Variants in FBXO28 observed in about 807,000 individuals in gnomAD.
The protein encoded by FBXO28 is F-box only protein 28.
In FBXO28, 8 loss-of-function variants were observed where a neutral mutation model predicts 38.1. The observed-to-expected ratio is 0.21, with a 90% CI of 0.12 to 0.38. The LOEUF (loss-of-function observed/expected upper bound fraction) is 0.38, where lower values mean the gene tolerates loss of function less well. Ranked by LOEUF, FBXO28 falls within the 10% of genes least tolerant of loss-of-function variation. The probability of loss-of-function intolerance (pLI) is 1.00; values close to 1 mark genes in which losing one functional copy is unlikely to be tolerated. For synonymous variants in FBXO28, 168 were observed against 173.8 expected, an observed-to-expected ratio of 0.97 and a Z score of 0.26; for missense variants, 345 against 460.6, an observed-to-expected ratio of 0.75 and a Z score of 2.30.
intron 2 of FBXO28, among the ~76,000 whole-genome samples, chr1:224,133,402 A>G (rs918246400): frequency 2.0e-5 from 3 of 152,348 alleles, no homozygotes; most frequent in Admixed American, 6.5e-5. Flanking sequence ...TAAAGGAGTT[A>G]AATTTTATCA....
intron 2 of FBXO28, chr1:224,131,140 A>G (rs961755738): frequency 7.2e-5 from 11 of 152,254 alleles, no homozygotes; most frequent in African/African-American, 2.7e-4. Flanking sequence ...TTCTGTGTTC[A>G]TGGATTTGAA....
intron 1 of FBXO28, among the ~76,000 whole-genome samples, chr1:224,129,113 G>T (rs1365763266): frequency 6.6e-6 from 1 of 152,198 alleles, no homozygotes; most frequent in Non-Finnish European, 1.5e-5. Flanking sequence ...GGCCAAGGCG[G>T]ATGGATTACT....
At chr1:224,125,004 T>G (rs1426294211) in intron 1 of FBXO28, among the ~76,000 whole-genome samples, 1 of 152,192 alleles carries the variant, frequency 6.6e-6, no homozygotes, top group African/African-American at 2.4e-5. Flanking sequence ...CTTGTGTTTT[T>G]GTGCTGTTGG....
At chr1:224,151,427 A>G (rs973455170) in intron 3 of FBXO28, among the ~76,000 whole-genome samples, 1 of 152,222 alleles carries the variant, frequency 6.6e-6, no homozygotes, top group Non-Finnish European at 1.5e-5. Context: ...ACATTTATTA[A>G]GCATACATCA....
At chr1:224,154,148 G>T (rs1359897916) in intron 4 of FBXO28, among the ~76,000 whole-genome samples, 1 of 152,118 alleles carries the variant, frequency 6.6e-6, no homozygotes, top group African/African-American at 2.4e-5. Context: ...CGAACCTACC[G>T]AACATCATAG....
intron 2 of FBXO28, among the ~76,000 whole-genome samples, chr1:224,132,802 CAAA>C (rs35539044): frequency 3.9e-5 from 5 of 129,716 alleles, no homozygotes; most frequent in Non-Finnish European, 4.9e-5. Context: ...GAGCCCGTCT[CAAA>C]AAAAAAAAAA....
intron 3 of FBXO28, among the ~76,000 whole-genome samples, chr1:224,142,504 C>T (rs772392025): frequency 2.0e-5 from 3 of 151,562 alleles, no homozygotes; most frequent in Admixed American, 6.6e-5. Context: ...AATGTCGTTT[C>T]GTTATAATAT....
chr1:224,138,535 T>C (rs1657252809), intron 3 of FBXO28, among the ~76,000 whole-genome samples: 1 of 151,842 alleles, frequency 6.6e-6, no homozygotes, highest in Non-Finnish European at 1.5e-5. Context: ...TTATAGAATG[T>C]TGGCTTACTC....
chr1:224,149,482 C>T (rs559497579), intron 3 of FBXO28, among the ~76,000 whole-genome samples: 2 of 152,222 alleles, frequency 1.3e-5, no homozygotes, highest in Admixed American at 6.5e-5. Context: ...TGAGCCACCA[C>T]GCCCAGCCAA....
chr1:224,132,114 A>G (rs10916351), intron 2 of FBXO28, among the ~76,000 whole-genome samples: 140,707 of 152,044 alleles, frequency 0.93, 65,981 homozygotes, highest in Non-Finnish European at 1. Flanking sequence ...CTACCTGGGC[A>G]TGGTGGCGGG....
chr1:224,139,612 A>G (rs924827876), intron 3 of FBXO28, among the ~76,000 whole-genome samples: 7 of 152,076 alleles, frequency 4.6e-5, no homozygotes, highest in African/African-American at 1.7e-4. Context: ...CTGGTGGCAC[A>G]CGCCTGTAGT....
chr1:224,127,943 C>T (rs1482992922), intron 1 of FBXO28, among the ~76,000 whole-genome samples: 2 of 152,082 alleles, frequency 1.3e-5, no homozygotes, highest in Non-Finnish European at 2.9e-5. Context: ...GAAATTACTT[C>T]GTACTTAAAG....
At chr1:224,125,327 T>C (rs189699175) in intron 1 of FBXO28, among the ~76,000 whole-genome samples, 1 of 152,274 alleles carries the variant, frequency 6.6e-6, no homozygotes, top group East Asian at 1.9e-4. Flanking sequence ...TGTAGTGTCA[T>C]TCTAATTTGT....
At chr1:224,137,639 CT>C (rs1212357723) in intron 3 of FBXO28, among the ~76,000 whole-genome samples, 1 of 151,826 alleles carries the variant, frequency 6.6e-6, no homozygotes, top group Non-Finnish European at 1.5e-5. Context: ...CAAATGGTAA[CT>C]GATTTAGCAG....
intron 1 of FBXO28, 62 bp downstream of exon 1, chr1:224,114,458 G>GAA: frequency 7.2e-7 from 1 of 1,385,404 alleles, no homozygotes; most frequent in Non-Finnish European, 9.6e-7. Flanking sequence ...GAGATGAGAA[G>GAA]GGAGCGCGTT....
intron 3 of FBXO28, among the ~76,000 whole-genome samples, chr1:224,139,518 C>A (rs1487713510): frequency 6.6e-6 from 1 of 151,764 alleles, no homozygotes; most frequent in Admixed American, 6.6e-5. Context: ...CCAAGGCGGG[C>A]AGATCACAAG....
At position 224,114,404 on chromosome 1, in the gene FBXO28, C is replaced by A; in HGVS notation, c.267+8C>A. On this transcript the variant is annotated splice_region_variant and intron_variant, in intron 1 of 4. Coordinates refer to ENST00000366862, the MANE Select transcript of FBXO28 (RefSeq NM_015176.4). ...ATTAGCCAGCTCCGCCTGGTGAGGC[C>A]CCCGCAGAACTCCTGCCTCCCTCTC... 1 of 1,556,000 alleles carries A rather than the reference C, an allele frequency of 6.4e-7. No homozygotes were observed. Among genetic ancestry groups the A allele is most frequent in the South Asian group, 1.2e-5 (1 of 84,868 alleles).
At chr1:224,116,745 C>A (rs927143342) in intron 1 of FBXO28, among the ~76,000 whole-genome samples, 1 of 152,154 alleles carries the variant, frequency 6.6e-6, no homozygotes, top group East Asian at 1.9e-4. Flanking sequence ...TCTGCATTTT[C>A]TTTAAAAGAT....
rs1309118859 is a variant in FBXO28, at chr1:224,160,619, G to A, written c.*2873G>A. ...TTTTTCAAACTCCTGTACAGAGCCT[G>A]GAAATAATGGAGCAAACGCAAATGT... On this transcript the variant is annotated 3_prime_UTR_variant, in exon 5 of 5. Transcript: ENST00000366862. The A allele has an allele frequency of 6.6e-6, 1 of 152,134 alleles. No homozygotes were observed. The highest frequency in any genetic ancestry group is 1.5e-5 in the Non-Finnish European group (1 of 68,042). 9.4% of individuals were successfully genotyped at this position (152,134 alleles called of 1,614,324 possible). A position where few individuals can be genotyped will look rare whatever the true frequency, so the allele number is the denominator to read the frequency against.
Sources: gnomAD v4.1 joint callset for allele counts (sites outside exome capture counted in the v4.1 genomes callset) on GRCh38, gnomAD v4.1.1 for gene constraint, MANE v1.5 for transcripts, NCBI Gene and HGNC (gene_info 2026-07-23, HGNC 2026-07-21) for gene names.